Variants in SDK2 observed in about 807,000 individuals in gnomAD.
The protein encoded by SDK2 is protein sidekick-2.
Under a neutral mutation model 253.9 loss-of-function variants are expected in SDK2, and 105 were observed. The ratio of observed to expected loss-of-function variants is 0.41; its 90% CI spans 0.35 to 0.49. SDK2 has a LOEUF of 0.49. Ranked by LOEUF, SDK2 falls within the 20% of genes least tolerant of loss-of-function variation. The pLI, the probability that SDK2 is intolerant of heterozygous loss-of-function variation, is 0.06. For synonymous variants in SDK2, 1,249 were observed against 1,234.9 expected (o/e 1.01, Z -0.24); for missense variants, 2,608 against 3,003.0 (o/e 0.87, Z 3.07).
chr17:73,483,705 ATATTTTT>A (rs1436293776), intron 2 of SDK2, among the ~76,000 whole-genome samples: 1 of 56,654 alleles, frequency 1.8e-5, no homozygotes, highest in African/African-American at 8.4e-5. Context: ...ATATATATAT[ATATTTTT>A]TTTTTTTTTT....
At chr17:73,442,876 A>G (rs1395432121) in intron 5 of SDK2, among the ~76,000 whole-genome samples, 9 of 107,134 alleles carry the variant, frequency 8.4e-5, no homozygotes, top group Admixed American at 6.9e-4. Context: ...GGTGGTAGCA[A>G]TTCCTTTTTT....
At chr17:73,470,360 CAT>C (rs2063640349) in intron 3 of SDK2, among the ~76,000 whole-genome samples, 2 of 152,188 alleles carry the variant, frequency 1.3e-5, no homozygotes, top group Non-Finnish European at 2.9e-5. Context: ...TTCCCAGACA[CAT>C]GTGAACAAAA....
At chr17:73,409,855 C>T (rs1599537397) in intron 18 of SDK2, among the ~76,000 whole-genome samples, 2 of 150,316 alleles carry the variant, frequency 1.3e-5, no homozygotes, top group Middle Eastern at 6.8e-3. Context: ...CTGTCTCTGT[C>T]TCTCTCTTTC....
Position 73,395,023 on chromosome 17 carries a change from A to G in SDK2, c.3592+132T>C. The G allele has an allele frequency of 1.5e-6, 1 of 672,918 alleles. No individual in the cohort carries two copies. 41.7% of individuals were successfully genotyped at this position (672,918 alleles called of 1,614,324 possible). A position where few individuals can be genotyped will look rare whatever the true frequency, so the allele number is the denominator to read the frequency against. On this transcript the variant is annotated intron_variant, in intron 25 of 44. Transcript: ENST00000392650. This position sits in a 1 kb window ranked among gnomAD's most constrained non-coding sequence, Gnocchi z 4.3. The stretch of plus-strand genomic sequence containing the variant: ...CGGCAACATCATTGTGACATTGAGC[A>G]TAAGCAGAGGAAATGAGCTCAGGCT...
chr17:73,578,405 C>T (rs1312000181), intron 1 of SDK2, among the ~76,000 whole-genome samples: 1 of 152,150 alleles, frequency 6.6e-6, no homozygotes, highest in East Asian at 1.9e-4. Context: ...CATTTTGGAC[C>T]TCTGACCTCC....
In SDK2 at chr17:73,467,396, C is replaced by T. The variant is rs902523567; in HGVS notation, c.331+4716G>A. The stretch of plus-strand genomic sequence containing the variant: ...TCACCCGGCCGAGCCTCGGTTTCCT[C>T]ATCTGTAACATGGAGATGGGGACTT... On this transcript the variant is annotated intron_variant, in intron 3 of 44. Coordinates refer to ENST00000392650, the MANE Select transcript of SDK2 (RefSeq NM_001144952.2). The surrounding 1 kb of genome is among the most constrained non-coding windows in gnomAD (Gnocchi z 4.1). Among the ~76,000 whole-genome samples, 1 of 152,154 alleles carries T rather than the reference C, an allele frequency of 6.6e-6. No homozygotes were observed. The highest frequency in any genetic ancestry group is 1.5e-5 in the Non-Finnish European group (1 of 68,036).
intron 18 of SDK2, among the ~76,000 whole-genome samples, chr17:73,403,226 T>A (rs2063043571): frequency 6.6e-6 from 1 of 152,166 alleles, no homozygotes; most frequent in Non-Finnish European, 1.5e-5. Flanking sequence ...GGCAGCTTCG[T>A]CTTTGGAGCT....
In SDK2 at chr17:73,378,388, C is replaced by T. The variant is rs1054330530; in HGVS notation, c.4980+789G>A. On this transcript the variant is annotated intron_variant, in intron 36 of 44. Coordinates refer to ENST00000392650, the MANE Select transcript of SDK2 (RefSeq NM_001144952.2). ...AAGTGCGGGAATTACAGGTGTGAGCCACCACACACAGCCCTAGAAATGATT... is the reference window on the plus strand; with the variant it reads ...AAGTGCGGGAATTACAGGTGTGAGCTACCACACACAGCCCTAGAAATGATT... Among the ~76,000 whole-genome samples, 3 of 152,124 alleles carry T rather than the reference C, an allele frequency of 2.0e-5. No individual in the cohort carries two copies. The East Asian group carries it at 5.8e-4, about 29-fold the overall frequency.
intron 1 of SDK2, among the ~76,000 whole-genome samples, chr17:73,548,981 AAT>A (rs1360536155): frequency 6.6e-6 from 1 of 152,112 alleles, no homozygotes; most frequent in Non-Finnish European, 1.5e-5. Flanking sequence ...TCAGAGTCTC[AAT>A]GACAACCCCG....
intron 16 of SDK2, 116 bp downstream of exon 16, chr17:73,419,050 C>T: frequency 8.4e-7 from 1 of 1,185,020 alleles, no homozygotes; most frequent in Non-Finnish European, 1.2e-6. Flanking sequence ...TTACCTAGTC[C>T]TTCCTAGATG....
intron 1 of SDK2, among the ~76,000 whole-genome samples, chr17:73,601,964 G>C (rs376110930): frequency 6.6e-6 from 1 of 152,146 alleles, no homozygotes; most frequent in Non-Finnish European, 1.5e-5. Context: ...GGCTGGTCTC[G>C]AACTCCTCAC....
chr17:73,427,944 C>T (rs1032059827), intron 12 of SDK2, among the ~76,000 whole-genome samples: 9 of 152,238 alleles, frequency 5.9e-5, no homozygotes, highest in African/African-American at 1.4e-4. Context: ...TATTTGTAAA[C>T]GATATCTTTG....
chr17:73,401,037 G>A lies in SDK2; in HGVS notation c.2954C>T (p.Ser985Phe), dbSNP rs1407108648. 7.0e-6 allele frequency: 11 copies of A among 1,576,000 alleles called. No individual in the cohort carries two copies. Among genetic ancestry groups the A allele is most frequent in the Non-Finnish European group, 9.5e-6 (11 of 1,160,714 alleles). Reference sequence around the variant, plus strand: ...GCACTTACCTGGGGGCACCCCAGAGGAGATGGTGGAGGCGGACACTTGGCC... The same window carrying A: ...GCACTTACCTGGGGGCACCCCAGAGAAGATGGTGGAGGCGGACACTTGGCC... ...GQGQVSASTI[S>F]SGVPPELPGP... Residue 985 changes from serine (S) to phenylalanine (F), a missense_variant, in exon 21 of 45, where the codon TCC becomes TTC. Physicochemically the swap from Ser to Phe is radical, Grantham distance 155. This residue lies in a region of SDK2 where 1,505 missense variants were observed against 1,859.1 expected (regional missense o/e 0.81). Transcript: ENST00000392650.
chr17:73,411,788 ATTTTT>A (rs33985713), intron 18 of SDK2, among the ~76,000 whole-genome samples: 1 of 135,884 alleles, frequency 7.4e-6, no homozygotes, highest in Admixed American at 7.4e-5. Flanking sequence ...TATTACTGCT[ATTTTT>A]TTTTTTTTTT....
chr17:73,619,899 A>G (rs963379604), intron 1 of SDK2, among the ~76,000 whole-genome samples: 2 of 152,206 alleles, frequency 1.3e-5, no homozygotes, highest in Non-Finnish European at 2.9e-5. Flanking sequence ...ACAACAAAAC[A>G]TAATTAAAAA....
intron 1 of SDK2, chr17:73,521,513 G>C (rs2064079305): frequency 6.6e-6 from 1 of 152,296 alleles, no homozygotes. Context: ...GCTCCTTCCT[G>C]TGCTAATCCA....
intron 4 of SDK2, among the ~76,000 whole-genome samples, chr17:73,453,440 C>T (rs895282503): frequency 5.4e-5 from 8 of 148,688 alleles, no homozygotes; most frequent in Admixed American, 3.4e-4. Context: ...TGCAGTGGTG[C>T]AATCTTGGCT....
chr17:73,500,697 ATCCTCCTTCCGTC>A (rs2063883806), intron 2 of SDK2, among the ~76,000 whole-genome samples: 1 of 115,884 alleles, frequency 8.6e-6, no homozygotes, highest in African/African-American at 3.4e-5. Context: ...ATTCTCCTCC[ATCCTCCTTCCGTC>A]TCCTCCATCC....
intron 29 of SDK2, 48 bp downstream of exon 29, chr17:73,390,239 C>G (rs1444350295): frequency 2.0e-6 from 3 of 1,463,572 alleles, no homozygotes; most frequent in Non-Finnish European, 2.7e-6. Context: ...ACTGGCTGGC[C>G]CCCCCTCAGC....
Sources: allele counts gnomAD v4.1 joint callset (sites outside exome capture counted in the v4.1 genomes callset), GRCh38; gene constraint gnomAD v4.1.1; regional missense constraint gnomAD v4.1.1; non-coding constraint Gnocchi (gnomAD v3.1); transcripts MANE v1.5; gene names NCBI Gene and HGNC (gene_info 2026-07-23, HGNC 2026-07-21).